The following TOM1L2 variants were observed in gnomAD, a reference collection of about 807,000 sequenced individuals.
TOM1L2 encodes the protein TOM1-like protein 2.
A neutral mutation model predicts 67.9 loss-of-function variants in TOM1L2; 31 were observed. That is an observed-to-expected ratio of 0.46 (90% CI 0.34 to 0.62). TOM1L2 has a LOEUF of 0.62. TOM1L2 is among the 20% of genes least tolerant of loss of function. The pLI, the probability that TOM1L2 is intolerant of heterozygous loss-of-function variation, is 0.01. For missense variants in TOM1L2, 606 were observed against 663.5 expected (o/e 0.91, Z 0.95); for synonymous variants, 256 against 254.0 (o/e 1.01, Z -0.07).
chr17:17,855,366 T>C (rs2036202412), intron 12 of TOM1L2, among the ~76,000 whole-genome samples: 1 of 152,166 alleles, frequency 6.6e-6, no homozygotes, highest in South Asian at 2.1e-4. Flanking sequence ...GCAGCATTCT[T>C]TACTAACCTA....
chr17:17,898,610 T>C lies in TOM1L2; in HGVS notation c.202A>G (p.Met68Val), dbSNP rs2144293430. The C allele has an allele frequency of 6.2e-7, 1 of 1,614,220 alleles. No homozygotes were observed. Among genetic ancestry groups the C allele is most frequent in the East Asian group, 2.2e-5 (1 of 44,894 alleles). ...LNGNRNYREV[M>V]LALTVLETCV... is the part of the protein sequence containing the mutation. ...ATAGCACTCACTGTTAATGCCAGCA[T>C]CACCTCTCTGTAGTTCCGGTTCCCG... Residue 68 changes from methionine to valine, a missense_variant, in exon 3 of 15, where the codon ATG becomes GTG. Coordinates refer to ENST00000379504, the MANE Select transcript of TOM1L2 (RefSeq NM_001082968.2).
At position 17,893,693 on chromosome 17, in the gene TOM1L2, T is replaced by G; in HGVS notation, c.334A>C (p.Ile112Leu). 6.2e-7 allele frequency: 1 copy of G among 1,614,122 alleles called. No individual in the cohort carries two copies. The highest frequency in any genetic ancestry group is 8.5e-7 in the Non-Finnish European group (1 of 1,180,014). The stretch of plus-strand genomic sequence containing the variant: ...AGAGCAAGCACTTTGTCCTGTACAA[T>G]GGTGGGAGGGTTGTTCTTGGGAGAT... ...IISPKNNPPTIVQDKVLALIQ... is the reference protein window; with the variant it reads ...IISPKNNPPTLVQDKVLALIQ... The change falls in exon 4 of 15, where the codon ATT becomes CTT. Residue 112 changes from isoleucine to leucine, a missense_variant. This residue lies in a region of TOM1L2 where 543 missense variants were observed against 554.0 expected (regional missense o/e 0.98). Transcript: ENST00000379504.
At chr17:17,942,003 A>G (rs1374189173) in intron 1 of TOM1L2, among the ~76,000 whole-genome samples, 1 of 152,216 alleles carries the variant, frequency 6.6e-6, no homozygotes, top group Admixed American at 6.5e-5. Flanking sequence ...ACGTAGCACA[A>G]AAGAGCTGAT....
At chr17:17,938,100 C>A (rs1028398784) in intron 1 of TOM1L2, among the ~76,000 whole-genome samples, 3 of 152,204 alleles carry the variant, frequency 2.0e-5, no homozygotes, top group Non-Finnish European at 2.9e-5. Flanking sequence ...TACTCCCTCT[C>A]ACCCAGCGTG....
intron 3 of TOM1L2, among the ~76,000 whole-genome samples, chr17:17,898,082 T>C (rs1052242258): frequency 6.6e-6 from 1 of 152,000 alleles, no homozygotes; most frequent in African/African-American, 2.4e-5. Flanking sequence ...CCTGCCACCA[T>C]GCCTGGCTAA....
rs1042425141 is a variant in TOM1L2 at position 17,972,388 on chromosome 17, C to G, written c.-75G>C. The stretch of plus-strand genomic sequence containing the variant: ...CCTCCGCTGTAACCCGCCGGACTCC[C>G]GTCCTGACTGACACTTGCCCCCTCC... On this transcript the variant is annotated 5_prime_UTR_variant, in exon 1 of 15. Coordinates refer to ENST00000379504, the MANE Select transcript of TOM1L2 (RefSeq NM_001082968.2). 1.3e-5 allele frequency: 20 copies of G among 1,538,070 alleles called. No individual in the cohort carries two copies. The highest frequency in any genetic ancestry group is 2.5e-5 in the East Asian group (1 of 40,674).
intron 8 of TOM1L2, chr17:17,868,872 G>C (rs1436333159): frequency 6.0e-6 from 1 of 166,100 alleles, no homozygotes; most frequent in Non-Finnish European, 1.3e-5. Context: ...AGATAACATT[G>C]ACATTTGCAA....
chr17:17,929,391 A>G (rs1013757796), intron 1 of TOM1L2, among the ~76,000 whole-genome samples: 12 of 152,146 alleles, frequency 7.9e-5, no homozygotes, highest in African/African-American at 2.9e-4. Flanking sequence ...TAATCCCAGC[A>G]CTTTGGGAGG....
At chr17:17,872,150 C>T in intron 7 of TOM1L2, 1 of 532,100 alleles carries the variant, frequency 1.9e-6, no homozygotes, top group African/African-American at 2.1e-5. Flanking sequence ...ACCAACAACA[C>T]AGGGGAAACA....
At chr17:17,953,121 A>G (rs2041279275) in intron 1 of TOM1L2, among the ~76,000 whole-genome samples, 1 of 152,068 alleles carries the variant, frequency 6.6e-6, no homozygotes, top group African/African-American at 2.4e-5. Flanking sequence ...TCTACAAAAA[A>G]AATACAAAAA....
chr17:17,863,004 C>T (rs538829460), intron 10 of TOM1L2, among the ~76,000 whole-genome samples, 156 bp from the exon 11 acceptor site: 3 of 152,218 alleles, frequency 2.0e-5, no homozygotes, highest in African/African-American at 2.4e-5. Context: ...CACCACATGC[C>T]GGAGGAGCCA....
At chr17:17,923,501 T>C (rs1030661757) in intron 1 of TOM1L2, among the ~76,000 whole-genome samples, 2 of 151,526 alleles carry the variant, frequency 1.3e-5, no homozygotes, top group African/African-American at 2.4e-5. Flanking sequence ...CTGGGCAACA[T>C]AGGGAGACCC....
intron 2 of TOM1L2, among the ~76,000 whole-genome samples, chr17:17,899,440 G>A (rs2144304851): frequency 6.6e-6 from 1 of 152,314 alleles, no homozygotes; most frequent in African/African-American, 2.4e-5. Flanking sequence ...TCACAAATGG[G>A]CTCTGTCCAA....
At chr17:17,958,089 CAA>C (rs777316694) in intron 1 of TOM1L2, among the ~76,000 whole-genome samples, 24 of 111,144 alleles carry the variant, frequency 2.2e-4, no homozygotes, top group Admixed American at 2.9e-4. Context: ...GACTCTGTCT[CAA>C]AAAAAAAAAA....
At chr17:17,881,048 C>A (rs1364849855) in intron 6 of TOM1L2, among the ~76,000 whole-genome samples, 1 of 152,164 alleles carries the variant, frequency 6.6e-6, no homozygotes, top group African/African-American at 2.4e-5. Context: ...TCTCAGCAGA[C>A]CTTTAGCTTC....
intron 14 of TOM1L2, 88 bp downstream of exon 14, chr17:17,848,735 G>T: frequency 6.8e-7 from 1 of 1,467,722 alleles, no homozygotes; most frequent in South Asian, 1.1e-5. Context: ...CTCTGGCAGC[G>T]GGGGCTCCAA....
At chr17:17,900,404 C>T (rs552153041) in intron 2 of TOM1L2, among the ~76,000 whole-genome samples, 1 of 151,606 alleles carries the variant, frequency 6.6e-6, no homozygotes. Context: ...TGCCTGTAGT[C>T]CCAGGTACTC....
intron 10 of TOM1L2, among the ~76,000 whole-genome samples, chr17:17,864,857 A>T (rs1171484586): frequency 6.6e-6 from 1 of 152,228 alleles, no homozygotes; most frequent in Non-Finnish European, 1.5e-5. Context: ...GAAGGCAGAG[A>T]CATCTGTTCT....
At chr17:17,902,671 A>G (rs1207353893) in intron 2 of TOM1L2, among the ~76,000 whole-genome samples, 1 of 152,278 alleles carries the variant, frequency 6.6e-6, no homozygotes, top group Non-Finnish European at 1.5e-5. Context: ...AGACAGGGTA[A>G]GGGCAGTGAA....
Sources: allele counts gnomAD v4.1 joint callset (sites outside exome capture counted in the v4.1 genomes callset), GRCh38; gene constraint gnomAD v4.1.1; regional missense constraint gnomAD v4.1.1; transcripts MANE v1.5; gene names NCBI Gene and HGNC (gene_info 2026-07-23, HGNC 2026-07-21).